The following MYOF variants were observed in gnomAD, a reference collection of about 807,000 sequenced individuals.
MYOF encodes fer-1-like 3, myoferlin.
In MYOF, 244 loss-of-function variants were observed where a neutral mutation model predicts 284.2. The ratio of observed to expected loss-of-function variants is 0.86; its 90% CI spans 0.77 to 0.95. The LOEUF is 0.95. Ranked by LOEUF, MYOF falls within the 40% of genes least tolerant of loss-of-function variation. MYOF has a pLI of 0.00. For missense variants in MYOF, 2,496 were observed against 2,560.6 expected (o/e 0.97, Z 0.54); for synonymous variants, 904 against 919.7 (o/e 0.98, Z 0.31).
intron 1 of MYOF, among the ~76,000 whole-genome samples, chr10:93,469,306 C>T (rs774037112): frequency 6.6e-6 from 1 of 151,610 alleles, no homozygotes; most frequent in Non-Finnish European, 1.5e-5. Context: ...GAGGCTGAGG[C>T]AGGAGAATTA....
chr10:93,316,880 T>A, intron 49 of MYOF, 67 bp from the exon 50 acceptor site: 1 of 1,341,972 alleles, frequency 7.5e-7, no homozygotes. Context: ...TAAGACAGCA[T>A]CAAAGCCTGG....
At chr10:93,341,864 A>G (rs1843933885) in intron 38 of MYOF, 1 of 1,225,334 alleles carries the variant, frequency 8.2e-7, no homozygotes. Context: ...TCTTTAGGCC[A>G]AGGTCCCACA....
intron 36 of MYOF, among the ~76,000 whole-genome samples, chr10:93,348,593 G>A (rs920028659): frequency 6.6e-6 from 1 of 151,982 alleles, no homozygotes; most frequent in Non-Finnish European, 1.5e-5. Context: ...GAGTAGACAA[G>A]GATAGGTGGA....
intron 5 of MYOF, among the ~76,000 whole-genome samples, chr10:93,412,269 C>G (rs899278122): frequency 1.2e-4 from 18 of 152,052 alleles, no homozygotes; most frequent in African/African-American, 4.3e-4. Context: ...GCTCCTAGTA[C>G]CTCAACATCT....
chr10:93,310,723 G>A (rs550236402), intron 51 of MYOF, 80 bp from the exon 52 acceptor site: 28 of 1,292,934 alleles, frequency 2.2e-5, no homozygotes, highest in East Asian at 2.2e-4. Context: ...AGTATTCCCC[G>A]AGCAATGATT....
chr10:93,316,726 C>T lies in MYOF; in HGVS notation c.5686G>A (p.Asp1896Asn). ...QIWDNDKFSLDDYLGFLELDL... is the reference protein window; with the variant it reads ...QIWDNDKFSLNDYLGFLELDL... ...ATGTAAGCCCTACCCAAGTAGTCAT[C>T]CAGAGAAAACTTGTCATTGTCCCAT... Residue 1896 changes from aspartate to asparagine, a missense_variant, in exon 50 of 54, where the codon GAT becomes AAT. Transcript: ENST00000359263. 1.9e-6 allele frequency: 3 copies of T among 1,613,042 alleles called. No individual in the cohort carries two copies. Among genetic ancestry groups the T allele is most frequent in the African/African-American group, 2.7e-5 (2 of 74,988 alleles).
In MYOF at chr10:93,366,412, C is replaced by G. The variant is rs1215484175; in HGVS notation, c.2733G>C (p.Trp911Cys). ...PPKGWEWEGE[W>C]IVDPERSLLT... ...CTTACCTTCTTTCAGGATCAACTATCCACTCTCCTTCCCATTCCCAGCCTT... is the reference window on the plus strand; with the variant it reads ...CTTACCTTCTTTCAGGATCAACTATGCACTCTCCTTCCCATTCCCAGCCTT... Residue 911 changes from tryptophan to cysteine, a missense_variant, in exon 26 of 54, where the codon TGG becomes TGC. By Grantham distance (215) the Trp-to-Cys change is radical. Transcript: ENST00000359263. The G allele has an allele frequency of 9.3e-6, 15 of 1,613,246 alleles. No homozygotes were observed. Among genetic ancestry groups the G allele is most frequent in the Non-Finnish European group, 1.3e-5 (15 of 1,179,882 alleles).
At chr10:93,384,480 T>A (rs1216152594) in intron 19 of MYOF, among the ~76,000 whole-genome samples, 2 of 152,000 alleles carry the variant, frequency 1.3e-5, no homozygotes, top group East Asian at 3.9e-4. Flanking sequence ...CTATCTCTAC[T>A]AAAAATACAA....
chr10:93,349,778 A>G, intron 36 of MYOF, 30 bp downstream of exon 36: 2 of 1,611,710 alleles, frequency 1.2e-6, no homozygotes, highest in African/African-American at 1.3e-5. Context: ...TTCAACGCGC[A>G]TGGGTGATCA....
intron 48 of MYOF, among the ~76,000 whole-genome samples, chr10:93,321,407 T>A (rs1253847300): frequency 6.8e-6 from 1 of 147,474 alleles, no homozygotes; most frequent in Non-Finnish European, 1.5e-5. Flanking sequence ...CTTTTGACTA[T>A]TAACCTTTTT....
chr10:93,337,494 T>C (rs754103008), intron 40 of MYOF: 8 of 282,308 alleles, frequency 2.8e-5, no homozygotes, highest in Non-Finnish European at 4.6e-5. Context: ...AAGAGCACTA[T>C]GACTTCTGGG....
chr10:93,430,963 C>T (rs1848820295), intron 4 of MYOF, among the ~76,000 whole-genome samples: 1 of 151,806 alleles, frequency 6.6e-6, no homozygotes, highest in Non-Finnish European at 1.5e-5. Context: ...GATACCTTTT[C>T]CTTTTCTTTT....
intron 3 of MYOF, among the ~76,000 whole-genome samples, chr10:93,449,583 G>A (rs17481680): frequency 0.047 from 7,090 of 152,236 alleles, 223 homozygotes; most frequent in Non-Finnish European, 0.07. Flanking sequence ...TGAGATATGC[G>A]ACAGAAACTT....
At chr10:93,420,864 C>T (rs1202817255) in intron 5 of MYOF, among the ~76,000 whole-genome samples, 1 of 152,096 alleles carries the variant, frequency 6.6e-6, no homozygotes, top group Non-Finnish European at 1.5e-5. Flanking sequence ...ATATATAAAT[C>T]AGAAGAAGCA....
At chr10:93,339,906 C>T (rs555960658) in intron 39 of MYOF, among the ~76,000 whole-genome samples, 31 of 152,088 alleles carry the variant, frequency 2.0e-4, no homozygotes, top group Non-Finnish European at 4.6e-4. Context: ...GGTGAAACCC[C>T]GTCTCTACTA....
At chr10:93,332,284 G>A (rs1022319799) in intron 43 of MYOF, among the ~76,000 whole-genome samples, 4 of 151,366 alleles carry the variant, frequency 2.6e-5, no homozygotes, top group African/African-American at 4.9e-5. Context: ...GTGCAATGGC[G>A]CGATCTCAGC....
intron 43 of MYOF, among the ~76,000 whole-genome samples, chr10:93,332,217 C>T (rs1173091201): frequency 8.4e-6 from 1 of 119,002 alleles, no homozygotes; most frequent in Non-Finnish European, 1.7e-5. Flanking sequence ...TTCAAATCCT[C>T]ATTCTTTTAT....
At chr10:93,320,985 G>A (rs750856392) in intron 48 of MYOF, among the ~76,000 whole-genome samples, 26 of 152,092 alleles carry the variant, frequency 1.7e-4, no homozygotes, top group Non-Finnish European at 3.1e-4. Flanking sequence ...TCACATGGTC[G>A]ACACGCAGAC....
At chr10:93,362,540 C>T (rs1253433048) in intron 27 of MYOF, among the ~76,000 whole-genome samples, 3 of 152,108 alleles carry the variant, frequency 2.0e-5, no homozygotes, top group East Asian at 1.9e-4. Flanking sequence ...CCACCACACC[C>T]GGCAGACACA....
Sources: gnomAD v4.1 joint callset for allele counts (sites outside exome capture counted in the v4.1 genomes callset) on GRCh38, gnomAD v4.1.1 for gene constraint, MANE v1.5 for transcripts, NCBI Gene and HGNC (gene_info 2026-07-23, HGNC 2026-07-21) for gene names.